The following MBD5 variants were observed in gnomAD, a reference collection of about 807,000 sequenced individuals.
MBD5 encodes the protein methyl-CpG binding domain protein 5, also known as methyl-CpG-binding domain protein 5.
Under a neutral mutation model 117.3 loss-of-function variants are expected in MBD5, and 13 were observed. The ratio of observed to expected loss-of-function variants is 0.11; its 90% CI spans 0.07 to 0.18. The LOEUF is 0.18. Ranked by LOEUF, MBD5 falls within the 10% of genes least tolerant of loss-of-function variation. The pLI is 1.00. For missense variants in MBD5, 1,879 were observed against 2,093.8 expected (o/e 0.90, Z 2.00); for synonymous variants, 727 against 766.4 (o/e 0.95, Z 0.85).
At chr2:148,085,903 A>G (rs1342092705) in intron 1 of MBD5, among the ~76,000 whole-genome samples, 1 of 152,178 alleles carries the variant, frequency 6.6e-6, no homozygotes, top group Non-Finnish European at 1.5e-5. Context: ...TGTTTTATTT[A>G]TAAGAAAATT....
At chr2:148,229,853 G>A (rs144450164) in intron 2 of MBD5, among the ~76,000 whole-genome samples, 84 of 152,242 alleles carry the variant, frequency 5.5e-4, no homozygotes, top group Non-Finnish European at 9.1e-4. Flanking sequence ...TTCTCCAAAT[G>A]AATGGAGTCT....
At chr2:148,468,267 C>T in intron 7 of MBD5, 74 bp from the exon 8 acceptor site, 1 of 1,282,064 alleles carries the variant, frequency 7.8e-7, no homozygotes, top group Non-Finnish European at 1.1e-6. Flanking sequence ...CTGATTTCCT[C>T]CATTCCTTCC....
chr2:148,429,114 T>C (rs1452385252), intron 4 of MBD5, among the ~76,000 whole-genome samples: 1 of 151,866 alleles, frequency 6.6e-6, no homozygotes, highest in Non-Finnish European at 1.5e-5. Flanking sequence ...AGGGCTAATA[T>C]CCAGCATCTA....
intron 12 of MBD5, among the ~76,000 whole-genome samples, chr2:148,509,074 A>G (rs977434107): frequency 3.3e-5 from 5 of 152,224 alleles, no homozygotes; most frequent in Non-Finnish European, 4.4e-5. Flanking sequence ...TCCAGTCTCC[A>G]TGGTAGATGC....
intron 1 of MBD5, among the ~76,000 whole-genome samples, chr2:148,069,089 AT>A (rs1695285236): frequency 6.6e-6 from 1 of 152,194 alleles, no homozygotes; most frequent in Non-Finnish European, 1.5e-5. Context: ...AAATGTATGG[AT>A]ACATGAGAAA....
rs549990322 is a variant in MBD5, at chr2:148,181,461, T to C, written c.-831+2668T>C. ...CAGATGCGTCCCCACATAAATACTT[T>C]GGTCTTTACAGACTCCAGCAATAAC... On this transcript the variant is annotated intron_variant, in intron 2 of 13. Coordinates refer to ENST00000642680, the MANE Select transcript of MBD5 (RefSeq NM_001378120.1). 5.9e-5 allele frequency among the ~76,000 whole-genome samples: 9 copies of C among 152,334 alleles called. No individual in the cohort carries two copies. In the South Asian group the frequency reaches 1.5e-3, roughly 25 times the overall value.
At chr2:148,026,567 T>A (rs1446332327) in intron 1 of MBD5, 1 of 152,164 alleles carries the variant, frequency 6.6e-6, no homozygotes. Context: ...CCCCAGATTT[T>A]GAGGCTGCAG....
chr2:148,200,692 C>G (rs1286885942), intron 2 of MBD5, among the ~76,000 whole-genome samples: 2 of 57,744 alleles, frequency 3.5e-5, no homozygotes, highest in African/African-American at 1.2e-4. Context: ...GACTCTATCT[C>G]AAAAAAAAAA....
chr2:148,466,974 T>C (rs2105609549), intron 7 of MBD5, among the ~76,000 whole-genome samples: 1 of 152,312 alleles, frequency 6.6e-6, no homozygotes, highest in South Asian at 2.1e-4. Context: ...TGTGTAATTA[T>C]CCAGTTAAGT....
At chr2:148,358,163 G>C (rs1028039174) in intron 4 of MBD5, among the ~76,000 whole-genome samples, 1 of 151,998 alleles carries the variant, frequency 6.6e-6, no homozygotes, top group African/African-American at 2.4e-5. Context: ...AACATGCGTG[G>C]TCTACCTGGT....
At chr2:148,423,223 C>T (rs753524923) in intron 4 of MBD5, among the ~76,000 whole-genome samples, 1 of 152,092 alleles carries the variant, frequency 6.6e-6, no homozygotes, top group Non-Finnish European at 1.5e-5. Context: ...ATCAGACTAA[C>T]AGCAGATCTC....
chr2:148,448,309 A>G (rs898492827), intron 4 of MBD5, among the ~76,000 whole-genome samples: 15 of 151,942 alleles, frequency 9.9e-5, no homozygotes, highest in African/African-American at 3.4e-4. Context: ...CTTACCCGAT[A>G]CTTTATTAGA....
intron 1 of MBD5, among the ~76,000 whole-genome samples, chr2:148,097,577 G>T (rs1696101287): frequency 6.6e-6 from 1 of 152,228 alleles, no homozygotes; most frequent in Non-Finnish European, 1.5e-5. Flanking sequence ...AGGTCTCCAA[G>T]AAAGAGGAAG....
chr2:148,163,696 G>A (rs1009893597), intron 1 of MBD5, among the ~76,000 whole-genome samples: 4 of 152,158 alleles, frequency 2.6e-5, no homozygotes, highest in Non-Finnish European at 4.4e-5. Flanking sequence ...ATTTACAGGC[G>A]TGAGCCACCA....
intron 1 of MBD5, among the ~76,000 whole-genome samples, chr2:148,092,979 G>A (rs1695980939): frequency 1.3e-5 from 2 of 151,612 alleles, no homozygotes; most frequent in Non-Finnish European, 2.9e-5. Context: ...GTGCAGTGGC[G>A]CGATCTTGGC....
intron 1 of MBD5, among the ~76,000 whole-genome samples, chr2:148,093,361 T>G (rs1695989160): frequency 1.3e-5 from 2 of 152,222 alleles, no homozygotes; most frequent in Admixed American, 1.3e-4. Flanking sequence ...GACTTTGCTG[T>G]TATTTTGAAT....
chr2:148,152,295 G>T (rs941216921), intron 1 of MBD5, among the ~76,000 whole-genome samples: 1 of 152,102 alleles, frequency 6.6e-6, no homozygotes, highest in Non-Finnish European at 1.5e-5. Context: ...TTGCACTGTG[G>T]TCTGAGAGAT....
chr2:148,120,263 A>G (rs538809907), intron 1 of MBD5, among the ~76,000 whole-genome samples: 6 of 152,178 alleles, frequency 3.9e-5, no homozygotes, highest in Non-Finnish European at 7.4e-5. Context: ...CTCTCTTTTT[A>G]AGATGGTTTT....
intron 3 of MBD5, among the ~76,000 whole-genome samples, chr2:148,279,272 T>C (rs1030237881): frequency 6.6e-6 from 1 of 151,942 alleles, no homozygotes; most frequent in Non-Finnish European, 1.5e-5. Context: ...TCTTAAAAAA[T>C]GAGAAAAGTT....
Sources: allele counts gnomAD v4.1 joint callset (sites outside exome capture counted in the v4.1 genomes callset), GRCh38; gene constraint gnomAD v4.1.1; transcripts MANE v1.5; gene names NCBI Gene and HGNC (gene_info 2026-07-23, HGNC 2026-07-21).